FSD1L: variants seen among roughly 807,000 people sequenced by gnomAD.
FSD1L encodes the protein FSD1-like protein.
A neutral mutation model predicts 71.6 loss-of-function variants in FSD1L; 45 were observed. That is an observed-to-expected ratio of 0.63 (90% confidence interval 0.49 to 0.81). FSD1L has a LOEUF of 0.81. Ranked by LOEUF, FSD1L falls within the 30% of genes least tolerant of loss-of-function variation. The pLI, the probability that FSD1L is intolerant of heterozygous loss-of-function variation, is 0.00. For missense variants in FSD1L, 561 were observed against 618.1 expected, an observed-to-expected ratio of 0.91 and a Z score of 0.98; for synonymous variants, 197 against 207.2, an observed-to-expected ratio of 0.95 and a Z score of 0.42.
At chr9:105,524,151 T>C (rs935417607) in intron 10 of FSD1L, 53 of 1,612,134 alleles carry the variant, frequency 3.3e-5, no homozygotes, top group Non-Finnish European at 4.2e-5. Context: ...TTTAGGTATT[T>C]GGATTTGTGA....
intron 13 of FSD1L, among the ~76,000 whole-genome samples, chr9:105,545,210 A>C (rs1589121352): frequency 6.8e-6 from 1 of 147,398 alleles, no homozygotes; most frequent in African/African-American, 2.6e-5. Flanking sequence ...GAGTTCACTC[A>C]TGATTTGGCT....
rs531914567 is a variant in FSD1L, at chr9:105,449,775, T to TATGAGG, written c.15+1541_15+1542insTGAGGA. Among the ~76,000 whole-genome samples, 6 of 39,270 alleles carry TATGAGG rather than the reference T, an allele frequency of 1.5e-4. No individual in the cohort carries two copies. In the African/African-American group the frequency reaches 1.7e-3, roughly 11 times the overall value. The allele number at this position is 39,270 out of a possible 152,430, so 25.8% of individuals were successfully genotyped here. On this transcript the variant is annotated intron_variant, in intron 1 of 13. Coordinates refer to ENST00000481272, the MANE Select transcript of FSD1L (RefSeq NM_001145313.3). ...ATCAGGGATGCATTATTCCTTACTT[T>TATGAGG]AATGAGTTGTGACTCCTGGAAGGTC...
At chr9:105,455,267 C>T (rs1830291611) in intron 1 of FSD1L, among the ~76,000 whole-genome samples, 1 of 152,300 alleles carries the variant, frequency 6.6e-6, no homozygotes, top group South Asian at 2.1e-4. Flanking sequence ...AGTTCTCCTG[C>T]TCAGCCTGCC....
chr9:105,482,225 G>A (rs552677263), intron 6 of FSD1L, among the ~76,000 whole-genome samples: 15 of 152,234 alleles, frequency 9.9e-5, no homozygotes, highest in African/African-American at 3.4e-4. Flanking sequence ...GGAACAGCAG[G>A]ATTAAGAGAG....
chr9:105,492,697 T>G (rs1459528049), intron 7 of FSD1L, among the ~76,000 whole-genome samples: 3 of 152,088 alleles, frequency 2.0e-5, no homozygotes, highest in African/African-American at 7.2e-5. Flanking sequence ...CTGGTATGTT[T>G]TGTCTTTGTT....
intron 1 of FSD1L, among the ~76,000 whole-genome samples, chr9:105,457,312 G>A (rs1026427018): frequency 2.0e-5 from 3 of 152,160 alleles, no homozygotes; most frequent in Non-Finnish European, 4.4e-5. Flanking sequence ...AAGCAGGTGA[G>A]GTAGGCAGTG....
intron 7 of FSD1L, among the ~76,000 whole-genome samples, chr9:105,485,610 A>G (rs1029375124): frequency 6.8e-6 from 1 of 146,296 alleles, no homozygotes; most frequent in African/African-American, 2.6e-5. Context: ...TGAGGGATCA[A>G]GGAATTTCTT....
chr9:105,513,685 A>AT, intron 10 of FSD1L: 1 of 1,404,494 alleles, frequency 7.1e-7, no homozygotes, highest in Non-Finnish European at 9.6e-7. Context: ...AGCTTGGCTG[A>AT]TTAAAAAAAC....
intron 10 of FSD1L, chr9:105,525,544 A>G: frequency 6.2e-7 from 1 of 1,611,318 alleles, no homozygotes; most frequent in South Asian, 1.1e-5. Context: ...TTATTATTGC[A>G]GATTGCTTCT....
chr9:105,521,436 G>A (rs528689664), intron 10 of FSD1L: 67 of 1,613,922 alleles, frequency 4.2e-5, no homozygotes, highest in South Asian at 4.0e-4. Flanking sequence ...CACAGACATT[G>A]AAATAGTTCG....
chr9:105,462,896 G>C (rs1830805811), intron 2 of FSD1L, among the ~76,000 whole-genome samples: 1 of 150,882 alleles, frequency 6.6e-6, no homozygotes, highest in Admixed American at 6.6e-5. Context: ...CCAGCACTTT[G>C]GGAGGTTGAG....
chr9:105,524,474 G>A, intron 10 of FSD1L: 2 of 1,613,444 alleles, frequency 1.2e-6, no homozygotes, highest in Non-Finnish European at 1.7e-6. Context: ...TAAAGACACT[G>A]CTCCAACCAT....
At chr9:105,538,202 ATATT>A (rs1452543903) in intron 12 of FSD1L, among the ~76,000 whole-genome samples, 2 of 152,214 alleles carry the variant, frequency 1.3e-5, no homozygotes, top group Admixed American at 1.3e-4. Flanking sequence ...ACAGGACAAT[ATATT>A]TAAGCATTAC....
chr9:105,468,378 A>G lies in FSD1L; in HGVS notation c.339+54A>G, dbSNP rs1433446365. ...ATAATTTTAGTCTATTTAATCCTTG[A>G]TTTATGATAAGCAAAAATTAATGAA... On this transcript the variant is annotated intron_variant, in intron 4 of 13. Coordinates refer to ENST00000481272, the MANE Select transcript of FSD1L (RefSeq NM_001145313.3). 3.0e-6 allele frequency: 4 copies of G among 1,339,238 alleles called. No homozygotes were observed. In the East Asian group the frequency reaches 1.2e-4, roughly 40 times the overall value. The allele number at this position is 1,339,238 out of a possible 1,614,324, so 83.0% of individuals were successfully genotyped here. A position where few individuals can be genotyped will look rare whatever the true frequency, so the allele number is the denominator to read the frequency against.
chr9:105,473,789 A>G lies in FSD1L; in HGVS notation c.441+1784A>G, dbSNP rs112080158. ...CGTTTCTCTTTCTATTGACATTTTTAGAGTTCTTCTGTCTTCTTTCTCCCA... is the reference window on the plus strand; with the variant it reads ...CGTTTCTCTTTCTATTGACATTTTTGGAGTTCTTCTGTCTTCTTTCTCCCA... On this transcript the variant is annotated intron_variant, in intron 5 of 13. Coordinates refer to ENST00000481272, the MANE Select transcript of FSD1L (RefSeq NM_001145313.3). Among the ~76,000 whole-genome samples the G allele has an allele frequency of 6.2e-3, 950 of 152,316 alleles. 16 individuals are homozygous for G. Among genetic ancestry groups the G allele is most frequent in the African/African-American group, 0.022 (901 of 41,578 alleles).
Position 105,468,296 on chromosome 9 carries a change from A to T in FSD1L, c.311A>T (p.Glu104Val). Residue 104 changes from glutamate (E) to valine (V), a missense_variant, in exon 4 of 14, where the codon GAA (glutamate) becomes GTA (valine). Transcript: ENST00000481272. ...AGTATGATTAACTGTATCAAGCAGGAACAAGCTCGTAAATCCCAAGAGTTA... is the reference window on the plus strand; with the variant it reads ...AGTATGATTAACTGTATCAAGCAGGTACAAGCTCGTAAATCCCAAGAGTTA... Reference protein sequence around the residue: ...KESMINCIKQEQARKSQELQS... With the variant: ...KESMINCIKQVQARKSQELQS... 1 of 1,492,208 alleles carries T rather than the reference A, an allele frequency of 6.7e-7. No individual in the cohort carries two copies. Among genetic ancestry groups the T allele is most frequent in the Non-Finnish European group, 8.9e-7 (1 of 1,126,776 alleles). The allele number at this position is 1,492,208 out of a possible 1,614,324, so 92.4% of individuals were successfully genotyped here. A position where few individuals can be genotyped will look rare whatever the true frequency, so the allele number is the denominator to read the frequency against.
chr9:105,513,526 C>A, intron 10 of FSD1L: 1 of 1,293,462 alleles, frequency 7.7e-7, no homozygotes, highest in South Asian at 1.3e-5. Context: ...GGCCTTTAAT[C>A]TGATTTCATT....
intron 13 of FSD1L, 52 bp from the exon 14 acceptor site, chr9:105,546,306 C>G: frequency 1.4e-6 from 2 of 1,475,564 alleles, no homozygotes; most frequent in Non-Finnish European, 1.8e-6. Flanking sequence ...TTAAAAATCA[C>G]TGAAATTCTA....
At position 105,461,047 on chromosome 9, in the gene FSD1L, CTAT is replaced by C. The variant is rs557608680; in HGVS notation, c.16-469_16-467del. Among the ~76,000 whole-genome samples the C allele has an allele frequency of 2.2e-4, 33 of 152,262 alleles. No individual in the cohort carries two copies. The East Asian group carries it at 6.4e-3, about 29-fold the overall frequency. On this transcript the variant is annotated intron_variant, in intron 1 of 13. Transcript: ENST00000481272. The stretch of plus-strand genomic sequence containing the variant: ...CATTTTAACTTATATCCACATATAG[CTAT>C]TATAATTCAAGAATCTGGCATAACA...
Sources: allele counts gnomAD v4.1 joint callset (sites outside exome capture counted in the v4.1 genomes callset), GRCh38; gene constraint gnomAD v4.1.1; transcripts MANE v1.5; gene names NCBI Gene and HGNC (gene_info 2026-07-23, HGNC 2026-07-21).